A2M: variants seen among roughly 807,000 people sequenced by gnomAD.
A2M encodes C3 and PZP-like alpha-2-macroglobulin domain-containing protein 5.
In A2M, 128 loss-of-function variants were observed where a neutral mutation model predicts 183.9. The observed-to-expected ratio is 0.70, with a 90% CI of 0.60 to 0.81. The LOEUF (loss-of-function observed/expected upper bound fraction) is 0.81, where lower values mean the gene tolerates loss of function less well. A2M is among the 30% of genes least tolerant of loss of function. A2M has a pLI of 0.00. For missense variants in A2M, 1,495 were observed against 1,787.6 expected (o/e 0.84, Z 2.95); for synonymous variants, 592 against 670.8 (o/e 0.88, Z 1.81).
In A2M at chr12:9,093,567, A is replaced by G; in HGVS notation, c.2138T>C (p.Met713Thr). ...LRVGFYESDV[M>T]GRGHARLVHV... ...CACCAGGCGTGCATGGCCTCTTCCC[A>G]TTACATCTGACTCTATGGTGAGTGA... The change falls in exon 18 of 36, where the codon ATG (methionine) becomes ACG (threonine). Residue 713 changes from methionine (M) to threonine (T), a missense_variant. Coordinates refer to ENST00000318602, the MANE Select transcript of A2M (RefSeq NM_000014.6). 1 of 1,597,802 alleles carries G rather than the reference A, an allele frequency of 6.3e-7. No homozygotes were observed. The highest frequency in any genetic ancestry group is 8.5e-7 in the Non-Finnish European group (1 of 1,172,168).
At chr12:9,090,912 G>A (rs530704748) in intron 19 of A2M, among the ~76,000 whole-genome samples, 187 of 152,260 alleles carry the variant, frequency 1.2e-3, no homozygotes, top group Non-Finnish European at 1.9e-3. Context: ...ATATGAGATC[G>A]TAGAGGTTGA....
intron 22 of A2M, among the ~76,000 whole-genome samples, chr12:9,087,900 T>A (rs1216676748): frequency 6.6e-6 from 1 of 152,154 alleles, no homozygotes; most frequent in Non-Finnish European, 1.5e-5. Context: ...ATATGTTCAT[T>A]AAGAGGCTCT....
intron 22 of A2M, among the ~76,000 whole-genome samples, chr12:9,084,961 T>C (rs1949012873): frequency 6.6e-6 from 1 of 152,044 alleles, no homozygotes; most frequent in Non-Finnish European, 1.5e-5. Context: ...GATAAAAGGG[T>C]CAATTCATCA....
At position 9,113,461 on chromosome 12, in the gene A2M, T is replaced by C; in HGVS notation, c.169A>G (p.Thr57Ala). 1 of 1,613,856 alleles carries C rather than the reference T, an allele frequency of 6.2e-7. No individual in the cohort carries two copies. Among genetic ancestry groups the C allele is most frequent in the South Asian group, 1.1e-5 (1 of 91,046 alleles). The part of the protein sequence containing the change: ...GCVLLSYLNE[T>A]VTVSASLESV... ...TCCAAGGAAGCACTTACAGTCACTG[T>C]CTCATTCAGGTAGCTCAGAAGGACA... The change falls in exon 2 of 36, where the codon ACA becomes GCA. Residue 57 changes from threonine to alanine, a missense_variant. By Grantham distance (58) the Thr-to-Ala change is moderately conservative. Coordinates refer to ENST00000318602, the MANE Select transcript of A2M (RefSeq NM_000014.6).
At position 9,074,762 on chromosome 12, in the gene A2M, C is replaced by T. The variant is rs777433561; in HGVS notation, c.3554G>A (p.Arg1185His). 16 of 1,612,930 alleles carry T rather than the reference C, an allele frequency of 9.9e-6. No individual in the cohort carries two copies. The highest frequency in any genetic ancestry group is 4.4e-5 in the South Asian group (4 of 90,788). ...CACTGGTGCCTTGGGTTTCTGAGGG[C>T]GCTCCCAATGGACAGAGTTGTCTTA... ...VKKDNSVHWE[R>H]PQKPKAPVGH... The change falls in exon 29 of 36, where the codon CGC (arginine) becomes CAC (histidine). Residue 1185 changes from arginine to histidine, a missense_variant. Coordinates refer to ENST00000318602, the MANE Select transcript of A2M (RefSeq NM_000014.6).
At position 9,091,318 on chromosome 12, in the gene A2M, G is replaced by A. The variant is rs748906756; in HGVS notation, c.2352C>T (p.Ala784=). The A allele has an allele frequency of 1.5e-5, 24 of 1,614,086 alleles. No homozygotes were observed. The Admixed American group carries it at 3.7e-4, about 25-fold the overall frequency. ...AGAAGGGCTGGAAGGCTCGGAGAGA[G>A]GCAGTGGAAGAGATACCAAGTCCAG... ...EDAGLGISST[A]SLRAFQPFFV... is the part of the protein sequence containing the mutation. The change falls in exon 19 of 36, where the codon GCC becomes GCT. Residue 784 remains alanine, a synonymous_variant. Coordinates refer to ENST00000318602, the MANE Select transcript of A2M (RefSeq NM_000014.6).
chr12:9,106,037 C>T (rs1476656236), intron 10 of A2M, among the ~76,000 whole-genome samples, 199 bp downstream of exon 10: 1 of 152,156 alleles, frequency 6.6e-6, no homozygotes, highest in Non-Finnish European at 1.5e-5. Flanking sequence ...ACATTTCATA[C>T]ACAAATTTAC....
At chr12:9,077,005 A>G (rs1221381071) in intron 27 of A2M, 69 bp from the exon 28 acceptor site, 8 of 1,428,668 alleles carry the variant, frequency 5.6e-6, no homozygotes, top group Non-Finnish European at 6.5e-6. Flanking sequence ...AGGCAAATAC[A>G]CGGATCACAG....
intron 18 of A2M, among the ~76,000 whole-genome samples, chr12:9,092,140 C>T (rs1031400162): frequency 3.9e-5 from 6 of 152,172 alleles, no homozygotes; most frequent in African/African-American, 1.4e-4. Flanking sequence ...AAACGACAGA[C>T]TTACAGGAAG....
In A2M at chr12:9,087,863, TTTTGG is replaced by T. The variant is rs747557342; in HGVS notation, c.2770+1332_2770+1336del. On this transcript the variant is annotated intron_variant, in intron 22 of 35. Coordinates refer to ENST00000318602, the MANE Select transcript of A2M (RefSeq NM_000014.6). ...TGCTCTCTGACTCAGGAATTTAACA[TTTTGG>T]ATCTACCCTAGCTGTACTTGCATAT... Among the ~76,000 whole-genome samples the T allele has an allele frequency of 5.8e-3, 883 of 152,136 alleles. 8 individuals carry two copies. Among genetic ancestry groups the T allele is most frequent in the African/African-American group, 0.02 (814 of 41,536 alleles).
At chr12:9,101,698 T>G in intron 11 of A2M, 24 bp from the exon 12 acceptor site, 1 of 1,510,740 alleles carries the variant, frequency 6.6e-7, no homozygotes, top group Non-Finnish European at 9.1e-7. Flanking sequence ...AAAATTATAT[T>G]ATTTTTAGAT....
intron 29 of A2M, among the ~76,000 whole-genome samples, chr12:9,074,321 A>G (rs774568674): frequency 1.2e-4 from 19 of 152,096 alleles, no homozygotes; most frequent in Non-Finnish European, 2.2e-4. Flanking sequence ...CAGTGTTGTT[A>G]TGGGAAATAG....
At chr12:9,114,553 CTCT>C (rs1488140372) in intron 1 of A2M, among the ~76,000 whole-genome samples, 6 of 151,938 alleles carry the variant, frequency 3.9e-5, no homozygotes, top group South Asian at 2.1e-4. Context: ...TAATATCTTT[CTCT>C]TCTTTTTTCC....
chr12:9,073,704 C>T (rs1948649321), intron 29 of A2M, among the ~76,000 whole-genome samples: 1 of 152,086 alleles, frequency 6.6e-6, no homozygotes. Context: ...ATGAATTGTT[C>T]AGATACATGG....
At chr12:9,101,317 G>T in intron 12 of A2M, 110 bp from the exon 13 acceptor site, 1 of 1,373,462 alleles carries the variant, frequency 7.3e-7, no homozygotes, top group Non-Finnish European at 1.0e-6. Context: ...TTCACCTCAA[G>T]AGAAATCAAA....
Position 9,106,241 on chromosome 12 carries a change from CA to C in A2M, c.1098del (p.Phe366LeufsTer6). 6.2e-7 allele frequency: 1 copy of C among 1,603,392 alleles called. No individual in the cohort carries two copies. Among genetic ancestry groups the C allele is most frequent in the South Asian group, 1.1e-5 (1 of 90,850 alleles). ...TGAACTGGAAAATACTCCACCTGCC[CA>C]AAGAAGGGAATTCCCTGTCGAAAGT... ...DSHFRQGIPF[F>X]GQVRLVDGKG... On this transcript the variant is annotated frameshift_variant, in exon 10 of 36. Coordinates refer to ENST00000318602, the MANE Select transcript of A2M (RefSeq NM_000014.6). LOFTEE classifies it high-confidence loss of function.
rs1465440331 is a variant in A2M at position 9,101,553 on chromosome 12, G to C, written c.1388C>G (p.Pro463Arg). 1 of 1,613,944 alleles carries C rather than the reference G, an allele frequency of 6.2e-7. No individual in the cohort carries two copies. The highest frequency in any genetic ancestry group is 1.7e-5 in the Admixed American group (1 of 60,016). ...GCCACAGGGTAGTTCATGAGACATGGGCTCAAGGTGGACAAAGCTCTTGCT... is the reference window on the plus strand; with the variant it reads ...GCCACAGGGTAGTTCATGAGACATGCGCTCAAGGTGGACAAAGCTCTTGCT... Reference protein sequence around the residue: ...SPSKSFVHLEPMSHELPCGHT... With the variant: ...SPSKSFVHLERMSHELPCGHT... The change falls in exon 12 of 36, where the codon CCC (proline) becomes CGC (arginine). Residue 463 changes from proline (P) to arginine (R), a missense_variant. Coordinates refer to ENST00000318602, the MANE Select transcript of A2M (RefSeq NM_000014.6).
At chr12:9,095,796 A>G in intron 15 of A2M, 96 bp from the exon 16 acceptor site, 1 of 1,118,242 alleles carries the variant, frequency 8.9e-7, no homozygotes, top group Non-Finnish European at 1.2e-6. Flanking sequence ...TCTGTCGCCC[A>G]GGCCGGACCG....
intron 5 of A2M, 42 bp downstream of exon 5, chr12:9,110,272 G>A: frequency 2.1e-6 from 3 of 1,403,306 alleles, no homozygotes; most frequent in Non-Finnish European, 9.8e-7. Flanking sequence ...TTCCCTATAT[G>A]TATTGCTTTC....
Sources: gnomAD v4.1 joint callset for allele counts (sites outside exome capture counted in the v4.1 genomes callset) on GRCh38, gnomAD v4.1.1 for gene constraint, MANE v1.5 for transcripts, NCBI Gene and HGNC (gene_info 2026-07-23, HGNC 2026-07-21) for gene names.